The following TIAM1 variants were observed in gnomAD, a reference collection of about 807,000 sequenced individuals.
TIAM1 encodes the protein TIAM Rac1 associated GEF 1.
In TIAM1, 65 loss-of-function variants were observed where a neutral mutation model predicts 163.5. The observed-to-expected ratio is 0.40, with a 90% CI of 0.33 to 0.49. The LOEUF is 0.49. Ranked by LOEUF, TIAM1 falls within the 20% of genes least tolerant of loss-of-function variation. The probability of loss-of-function intolerance (pLI) is 0.77; values close to 1 mark genes in which losing one functional copy is unlikely to be tolerated. For synonymous variants in TIAM1, 833 were observed against 810.1 expected, an observed-to-expected ratio of 1.03 and a Z score of -0.48; for missense variants, 1,789 against 2,044.7, an observed-to-expected ratio of 0.87 and a Z score of 2.41.
chr21:31,447,318 T>C (rs982818684), intron 2 of TIAM1, among the ~76,000 whole-genome samples: 6 of 152,188 alleles, frequency 3.9e-5, no homozygotes, highest in Non-Finnish European at 8.8e-5. Flanking sequence ...GCACCTGTAG[T>C]CCCAGCTCTC....
At chr21:31,283,694 A>G (rs2073672332) in intron 2 of TIAM1, among the ~76,000 whole-genome samples, 1 of 152,082 alleles carries the variant, frequency 6.6e-6, no homozygotes, top group African/African-American at 2.4e-5. Context: ...ACAAGCGCAC[A>G]TCATGCCCAG....
intron 1 of TIAM1, among the ~76,000 whole-genome samples, chr21:31,539,788 G>GT (rs1042680202): frequency 1.1e-4 from 16 of 152,152 alleles, no homozygotes; most frequent in African/African-American, 3.9e-4. Context: ...TCGCACCCAG[G>GT]TTGTGTGGCC....
In TIAM1 at chr21:31,119,100, C is replaced by CT. The variant is rs34635731; in HGVS notation, c.*1267dup. ...CATGGGAAAAGAAAAAGCTATAAACCTTTTTTTAAAAAAAAAAAAAAAATT... is the reference window on the plus strand; with the variant it reads ...CATGGGAAAAGAAAAAGCTATAAACCTTTTTTTTAAAAAAAAAAAAAAAATT... On this transcript the variant is annotated 3_prime_UTR_variant, in exon 28 of 28. Transcript: ENST00000541036. 0.037 allele frequency: 5,115 copies of CT among 138,692 alleles called. 128 individuals are homozygous for CT. Among genetic ancestry groups the CT allele is most frequent in the African/African-American group, 0.099 (3,082 of 31,146 alleles). The allele number at this position is 138,692 out of a possible 1,614,324, so 8.6% of individuals were successfully genotyped here. A position where few individuals can be genotyped will look rare whatever the true frequency, so the allele number is the denominator to read the frequency against.
Position 31,404,465 on chromosome 21 carries a change from T to C in TIAM1, c.-369+59518A>G, listed in dbSNP as rs115218913. 8.8e-3 allele frequency among the ~76,000 whole-genome samples: 1,315 copies of C among 150,058 alleles called. 4 individuals carry two copies. The highest frequency in any genetic ancestry group is 0.018 in the African/African-American group (734 of 40,324). Reference sequence around the variant, plus strand: ...CCCTCATCAAAAAACACTGGTCAAATCCTACACTAAGTCCTATTTTAAAGA... The same window carrying C: ...CCCTCATCAAAAAACACTGGTCAAACCCTACACTAAGTCCTATTTTAAAGA... On this transcript the variant is annotated intron_variant, in intron 2 of 28. Coordinates refer to the TIAM1 transcript ENST00000286827.
Position 31,137,496 on chromosome 21 carries a change from T to C in TIAM1, c.3775-1455A>G, listed in dbSNP as rs893778840. Among the ~76,000 whole-genome samples the C allele has an allele frequency of 2.0e-5, 3 of 151,976 alleles. 1 individual carries two copies. The highest frequency in any genetic ancestry group is 4.4e-5 in the Non-Finnish European group (3 of 67,974). ...ACTACCTATCCCCCGAAGACCCACA[T>C]AGAAGAGGAGGAGTTACATACAAAA... is the stretch of plus-strand genomic sequence containing the variant. On this transcript the variant is annotated intron_variant, in intron 22 of 27. Coordinates refer to ENST00000541036, the MANE Select transcript of TIAM1 (RefSeq NM_001353694.2).
chr21:31,152,021 C>CTTTTTTTT (rs754817467), intron 19 of TIAM1, among the ~76,000 whole-genome samples: 1 of 112,306 alleles, frequency 8.9e-6, no homozygotes, highest in African/African-American at 3.5e-5. Flanking sequence ...CCAGAAGTGC[C>CTTTTTTTT]TTTTTTTTTT....
At chr21:31,472,099 T>G (rs8133912) in intron 1 of TIAM1, among the ~76,000 whole-genome samples, 104,082 of 151,954 alleles carry the variant, frequency 0.68, 36,198 homozygotes, top group African/African-American at 0.73. Context: ...GGTCTTGCCA[T>G]GAACTGACTG....
At chr21:31,515,172 A>G (rs2047341530) in intron 1 of TIAM1, among the ~76,000 whole-genome samples, 1 of 152,094 alleles carries the variant, frequency 6.6e-6, no homozygotes, top group Non-Finnish European at 1.5e-5. Flanking sequence ...CACAGGCCCC[A>G]ACTCCAAAAT....
intron 2 of TIAM1, among the ~76,000 whole-genome samples, chr21:31,457,887 C>T (rs1266958463): frequency 6.6e-6 from 1 of 152,146 alleles, no homozygotes; most frequent in Non-Finnish European, 1.5e-5. Context: ...GGGCAGAGGC[C>T]AAGGCTGCAC....
chr21:31,276,687 A>G (rs771469159), intron 3 of TIAM1, 45 bp downstream of exon 3: 2 of 152,248 alleles, frequency 1.3e-5, no homozygotes, highest in Non-Finnish European at 2.9e-5. Context: ...CATTTCCATT[A>G]ATTCATACAA....
rs146567405 is a variant in TIAM1 at position 31,222,676 on chromosome 21, C to CATAT, written c.1995+726_1995+729dup. ...GTATATATACATACATGTACACATA[C>CATAT]ATATATATATATATATATATATATA... On this transcript the variant is annotated intron_variant, in intron 8 of 27. Transcript: ENST00000541036. Among the ~76,000 whole-genome samples the CATAT allele has an allele frequency of 3.9e-3, 186 of 48,200 alleles. 5 individuals are homozygous for CATAT. The highest frequency in any genetic ancestry group is 0.021 in the East Asian group (18 of 842). 31.6% of individuals were successfully genotyped at this position (48,200 alleles called of 152,430 possible).
chr21:31,437,773 A>G (rs2044263231), intron 2 of TIAM1, among the ~76,000 whole-genome samples: 1 of 152,134 alleles, frequency 6.6e-6, no homozygotes, highest in South Asian at 2.1e-4. Flanking sequence ...ACCTTCTGCC[A>G]TGAAAGTAAG....
chr21:31,190,446 C>A (rs971525553), intron 13 of TIAM1, among the ~76,000 whole-genome samples: 8 of 151,866 alleles, frequency 5.3e-5, no homozygotes, highest in African/African-American at 1.9e-4. Flanking sequence ...ATGAGATGAA[C>A]CACCAAAAGA....
At chr21:31,324,219 T>C (rs2075411085) in intron 2 of TIAM1, among the ~76,000 whole-genome samples, 1 of 151,922 alleles carries the variant, frequency 6.6e-6, no homozygotes, top group Non-Finnish European at 1.5e-5. Flanking sequence ...CATTCAACAA[T>C]AACTCAATTC....
intron 1 of TIAM1, among the ~76,000 whole-genome samples, chr21:31,343,277 G>T (rs976261506): frequency 7.2e-5 from 11 of 152,178 alleles, no homozygotes; most frequent in African/African-American, 2.7e-4. Context: ...CAGGCCAAAT[G>T]GAAGCCCAGT....
chr21:31,422,847 T>C (rs1007167418), intron 2 of TIAM1, among the ~76,000 whole-genome samples: 9 of 152,144 alleles, frequency 5.9e-5, no homozygotes, highest in African/African-American at 1.9e-4. Context: ...CAATTAAGCA[T>C]CATTGCTCCG....
chr21:31,174,142 C>T (rs1426671985), intron 15 of TIAM1, among the ~76,000 whole-genome samples: 4 of 152,182 alleles, frequency 2.6e-5, no homozygotes, highest in Non-Finnish European at 4.4e-5. Context: ...CTTCCTTTGC[C>T]GCCCCTCCCT....
intron 2 of TIAM1, among the ~76,000 whole-genome samples, chr21:31,304,062 G>T (rs1469652377): frequency 6.6e-6 from 1 of 152,154 alleles, no homozygotes; most frequent in African/African-American, 2.4e-5. Context: ...ACTTTCAAAA[G>T]CAACGAAATA....
At chr21:31,458,837 C>A (rs558131746) in intron 2 of TIAM1, among the ~76,000 whole-genome samples, 40 of 152,192 alleles carry the variant, frequency 2.6e-4, no homozygotes, top group African/African-American at 9.6e-4. Context: ...ATATTTGAGC[C>A]AAGACCTGAA....
Sources: allele counts gnomAD v4.1 joint callset (sites outside exome capture counted in the v4.1 genomes callset), GRCh38; gene constraint gnomAD v4.1.1; transcripts MANE v1.5; gene names NCBI Gene and HGNC (gene_info 2026-07-23, HGNC 2026-07-21).